Variants in KCNJ3 observed in about 807,000 individuals in gnomAD.
KCNJ3 encodes G protein-activated inward rectifier potassium channel 1.
KCNJ3 carries 4 observed loss-of-function variants against 39.2 expected under a neutral mutation model. The ratio of observed to expected loss-of-function variants is 0.10; its 90% CI spans 0.05 to 0.23. The LOEUF is 0.23. Among genes scored for constraint, KCNJ3 ranks in the 10% least tolerant of loss-of-function variants. KCNJ3 has a pLI of 1.00. For synonymous variants in KCNJ3, 230 were observed against 237.4 expected (o/e 0.97, Z 0.29); for missense variants, 276 against 634.9 (o/e 0.43, Z 6.08).
intron 2 of KCNJ3, among the ~76,000 whole-genome samples, chr2:154,765,877 A>T (rs1686124942): frequency 1.3e-5 from 2 of 152,200 alleles, no homozygotes; most frequent in Admixed American, 6.5e-5. Flanking sequence ...AGTTGCTGTG[A>T]TGAAAAAGCA....
At chr2:154,786,054 C>G (rs774220172) in intron 2 of KCNJ3, among the ~76,000 whole-genome samples, 2 of 152,164 alleles carry the variant, frequency 1.3e-5, no homozygotes, top group Non-Finnish European at 2.9e-5. Context: ...TGATGGTTAT[C>G]TGTCTTTTAG....
intron 2 of KCNJ3, among the ~76,000 whole-genome samples, chr2:154,850,810 C>T (rs1558891543): frequency 6.6e-6 from 1 of 152,022 alleles, no homozygotes; most frequent in African/African-American, 2.4e-5. Flanking sequence ...TTTAATACAC[C>T]CCATATATCC....
chr2:154,805,311 T>C (rs536288481), intron 2 of KCNJ3, among the ~76,000 whole-genome samples: 1 of 152,182 alleles, frequency 6.6e-6, no homozygotes, highest in African/African-American at 2.4e-5. Flanking sequence ...ATTGCTGAAA[T>C]TGTGTAAGTG....
chr2:154,853,937 C>G lies in KCNJ3; in HGVS notation c.920-790C>G, dbSNP rs541492945. Among the ~76,000 whole-genome samples the G allele has an allele frequency of 1.1e-4, 16 of 152,234 alleles. No individual in the cohort carries two copies. The East Asian group carries it at 3.1e-3, about 29-fold the overall frequency. ...ATGGAACTTGATACATCACATGGCC[C>G]AGAACACTGATTTTAGCATATGGAT... On this transcript the variant is annotated intron_variant, in intron 2 of 2. Coordinates refer to ENST00000295101, the MANE Select transcript of KCNJ3 (RefSeq NM_002239.4).
chr2:154,797,922 T>C (rs560248221), intron 2 of KCNJ3, among the ~76,000 whole-genome samples: 7 of 152,140 alleles, frequency 4.6e-5, no homozygotes, highest in African/African-American at 1.2e-4. Flanking sequence ...GGCACAATGT[T>C]CTACAGCAGA....
At chr2:154,828,480 G>C (rs1687307082) in intron 2 of KCNJ3, among the ~76,000 whole-genome samples, 1 of 152,174 alleles carries the variant, frequency 6.6e-6, no homozygotes, top group African/African-American at 2.4e-5. Context: ...GAGCACAAGT[G>C]TTGGAATTTT....
intron 2 of KCNJ3, among the ~76,000 whole-genome samples, chr2:154,805,013 A>G (rs529752202): frequency 6.6e-6 from 1 of 152,256 alleles, no homozygotes; most frequent in South Asian, 2.1e-4. Flanking sequence ...TTAGAATATA[A>G]GGATAAGAAA....
At chr2:154,816,301 T>C (rs1055920859) in intron 2 of KCNJ3, among the ~76,000 whole-genome samples, 1 of 152,196 alleles carries the variant, frequency 6.6e-6, no homozygotes, top group Non-Finnish European at 1.5e-5. Context: ...CTTAAAAAAG[T>C]TGCTCATTTA....
intron 2 of KCNJ3, among the ~76,000 whole-genome samples, chr2:154,822,467 A>G (rs1254820922): frequency 6.6e-6 from 1 of 152,204 alleles, no homozygotes; most frequent in Non-Finnish European, 1.5e-5. Context: ...AATTGGATCC[A>G]TAAAAATCTA....
intron 2 of KCNJ3, among the ~76,000 whole-genome samples, chr2:154,749,872 A>T (rs1685808479): frequency 6.6e-6 from 1 of 151,666 alleles, no homozygotes; most frequent in African/African-American, 2.4e-5. Flanking sequence ...GTGTGTAAGG[A>T]CTCATGTGAT....
chr2:154,777,665 A>G (rs1686362653), intron 2 of KCNJ3, among the ~76,000 whole-genome samples: 1 of 152,140 alleles, frequency 6.6e-6, no homozygotes, highest in African/African-American at 2.4e-5. Context: ...TATCCTGTTT[A>G]AATACATAGG....
rs527850691 is a variant in KCNJ3, at chr2:154,816,988, C to T, written c.920-37739C>T. 4.6e-5 allele frequency among the ~76,000 whole-genome samples: 7 copies of T among 152,160 alleles called. No homozygotes were observed. The South Asian group carries it at 1.5e-3, about 32-fold the overall frequency. ...AATAGTTTATGACTTTATTTTTCTT[C>T]TTCTGGCAAGTCATTTGGCCCTGAG... On this transcript the variant is annotated intron_variant, in intron 2 of 2. Coordinates refer to ENST00000295101, the MANE Select transcript of KCNJ3 (RefSeq NM_002239.4).
At chr2:154,840,420 T>C (rs1009017456) in intron 2 of KCNJ3, among the ~76,000 whole-genome samples, 1 of 152,180 alleles carries the variant, frequency 6.6e-6, no homozygotes, top group Non-Finnish European at 1.5e-5. Context: ...CTTGGCAATG[T>C]GGGCTCTTTT....
chr2:154,780,395 G>A (rs1686415802), intron 2 of KCNJ3, among the ~76,000 whole-genome samples: 1 of 152,134 alleles, frequency 6.6e-6, no homozygotes, highest in Non-Finnish European at 1.5e-5. Flanking sequence ...GGAGAACGAT[G>A]CAACAATTTT....
chr2:154,709,422 G>T (rs377577071), intron 1 of KCNJ3, 181 bp from the exon 2 acceptor site: 40 of 612,674 alleles, frequency 6.5e-5, no homozygotes, highest in Non-Finnish European at 1.1e-4. Context: ...TGTATGTTCC[G>T]CATGAGCTAT....
intron 2 of KCNJ3, among the ~76,000 whole-genome samples, chr2:154,797,709 A>C (rs1048602196): frequency 1.3e-5 from 2 of 152,122 alleles, no homozygotes; most frequent in Non-Finnish European, 2.9e-5. Context: ...TCTCCTTAGA[A>C]GTTAAATTTA....
intron 2 of KCNJ3, among the ~76,000 whole-genome samples, chr2:154,748,863 C>T (rs901383109): frequency 3.9e-5 from 6 of 152,200 alleles, no homozygotes; most frequent in Admixed American, 6.6e-5. Flanking sequence ...ACTACTGATA[C>T]GGACATATTA....
At chr2:154,775,789 C>A (rs1558871071) in intron 2 of KCNJ3, among the ~76,000 whole-genome samples, 1 of 152,024 alleles carries the variant, frequency 6.6e-6, no homozygotes, top group Non-Finnish European at 1.5e-5. Flanking sequence ...CATGAAAGGA[C>A]AAAACCTTAG....
At chr2:154,740,451 C>T (rs1685633349) in intron 2 of KCNJ3, among the ~76,000 whole-genome samples, 2 of 152,034 alleles carry the variant, frequency 1.3e-5, no homozygotes. Flanking sequence ...AGTTTTGTTT[C>T]TTCAATAATA....
Sources: gnomAD v4.1 joint callset for allele counts (sites outside exome capture counted in the v4.1 genomes callset) on GRCh38, gnomAD v4.1.1 for gene constraint, MANE v1.5 for transcripts, NCBI Gene and HGNC (gene_info 2026-07-23, HGNC 2026-07-21) for gene names.